ANKH: variants seen among roughly 807,000 people sequenced by gnomAD.
ANKH encodes the protein mineralization regulator ANKH.
Under a neutral mutation model 49.0 loss-of-function variants are expected in ANKH, and 15 were observed. That is an observed-to-expected ratio of 0.31 (90% CI 0.20 to 0.47). ANKH has a LOEUF of 0.47. Among genes scored for constraint, ANKH ranks in the 20% least tolerant of loss-of-function variants. The probability of loss-of-function intolerance (pLI) is 1.00; values close to 1 mark genes in which losing one functional copy is unlikely to be tolerated. For missense variants in ANKH, 429 were observed against 652.0 expected (o/e 0.66, Z 3.72); for synonymous variants, 273 against 260.0 (o/e 1.05, Z -0.48).
chr5:14,865,344 G>A (rs1402843091), intron 1 of ANKH, among the ~76,000 whole-genome samples: 1 of 152,086 alleles, frequency 6.6e-6, no homozygotes, highest in Non-Finnish European at 1.5e-5. Context: ...TTTTAGGAGT[G>A]AAATTAGAGG....
chr5:14,715,694 CATCCAT>C (rs1236539723), intron 9 of ANKH, among the ~76,000 whole-genome samples: 1 of 152,226 alleles, frequency 6.6e-6, no homozygotes, highest in Non-Finnish European at 1.5e-5. Context: ...GCAGTTAGCA[CATCCAT>C]ATGACGATAC....
intron 1 of ANKH, among the ~76,000 whole-genome samples, chr5:14,796,476 CA>C (rs35183005): frequency 0.61 from 80,315 of 132,474 alleles, 23,460 homozygotes; most frequent in East Asian, 0.83. Context: ...CACACACCAA[CA>C]AAAAAAAAAA....
rs1742054422 is a variant in ANKH at position 14,849,085 on chromosome 5, C to G, written c.96+22267G>C. On this transcript the variant is annotated intron_variant, in intron 1 of 11. Coordinates refer to ENST00000284268, the MANE Select transcript of ANKH (RefSeq NM_054027.6). ...CTAGGCTTAGGAATTCTTAGTCAGC[C>G]TAGGAAATCCAGCTAGTCCTGTCTC... Among the ~76,000 whole-genome samples, 4 of 152,274 alleles carry G rather than the reference C, an allele frequency of 2.6e-5. No individual in the cohort carries two copies. In the South Asian group the frequency reaches 6.2e-4, roughly 24 times the overall value.
chr5:14,727,596 T>C (rs1737862397), intron 8 of ANKH, among the ~76,000 whole-genome samples: 3 of 152,124 alleles, frequency 2.0e-5, no homozygotes. Flanking sequence ...GCTTTAATCC[T>C]TTCCTGGTTT....
chr5:14,806,882 A>C (rs28427036), intron 1 of ANKH, among the ~76,000 whole-genome samples: 1 of 152,312 alleles, frequency 6.6e-6, no homozygotes, highest in Admixed American at 6.5e-5. Flanking sequence ...CAGAAAGCCC[A>C]CTTCATTTTA....
chr5:14,798,900 C>T (rs901338407), intron 1 of ANKH, among the ~76,000 whole-genome samples: 18 of 152,186 alleles, frequency 1.2e-4, no homozygotes, highest in African/African-American at 2.2e-4. Context: ...AACAGTCACA[C>T]CTCTCTCTTG....
intron 1 of ANKH, among the ~76,000 whole-genome samples, chr5:14,857,215 A>G (rs1334827894): frequency 6.6e-6 from 1 of 152,220 alleles, no homozygotes; most frequent in Non-Finnish European, 1.5e-5. Context: ...GCAGGAGGTG[A>G]GATCTTCCCA....
At chr5:14,847,310 G>A (rs1741992465) in intron 1 of ANKH, among the ~76,000 whole-genome samples, 1 of 152,168 alleles carries the variant, frequency 6.6e-6, no homozygotes, top group South Asian at 2.1e-4. Context: ...TACTGGTTTG[G>A]AAATAAAGTC....
At chr5:14,759,697 C>G (rs1269986542) in intron 2 of ANKH, among the ~76,000 whole-genome samples, 8 of 149,606 alleles carry the variant, frequency 5.3e-5, no homozygotes, top group African/African-American at 2.0e-4. Context: ...TTCAAGGGTA[C>G]AGTGAGCTAT....
At chr5:14,834,273 G>A (rs60183304) in intron 1 of ANKH, among the ~76,000 whole-genome samples, 39 of 152,154 alleles carry the variant, frequency 2.6e-4, no homozygotes, top group Admixed American at 7.8e-4. Flanking sequence ...CAGGACCTGC[G>A]TCACAGGGGA....
Position 14,709,628 on chromosome 5 carries a change from T to G in ANKH, c.*1569A>C, listed in dbSNP as rs1314256201. 6.6e-6 allele frequency: 1 copy of G among 152,408 alleles called. No individual in the cohort carries two copies. The highest frequency in any genetic ancestry group is 1.5e-5 in the Non-Finnish European group (1 of 68,046). The allele number at this position is 152,408 out of a possible 1,614,324, so 9.4% of individuals were successfully genotyped here. A position where few individuals can be genotyped will look rare whatever the true frequency, so the allele number is the denominator to read the frequency against. On this transcript the variant is annotated 3_prime_UTR_variant, in exon 12 of 12. Coordinates refer to ENST00000284268, the MANE Select transcript of ANKH (RefSeq NM_054027.6). ...TCATTTTTGCCTTTCCAGCTTGCACTTCTATTCCTACTCCAGTGACCCATT... is the reference window on the plus strand; with the variant it reads ...TCATTTTTGCCTTTCCAGCTTGCACGTCTATTCCTACTCCAGTGACCCATT...
chr5:14,819,261 A>G (rs2126584169), intron 1 of ANKH, among the ~76,000 whole-genome samples: 1 of 152,340 alleles, frequency 6.6e-6, no homozygotes, highest in South Asian at 2.1e-4. Flanking sequence ...TGCATAACTC[A>G]TAAAATAACT....
At chr5:14,846,331 C>T (rs574385873) in intron 1 of ANKH, among the ~76,000 whole-genome samples, 4 of 152,170 alleles carry the variant, frequency 2.6e-5, no homozygotes, top group East Asian at 3.9e-4. Flanking sequence ...TTTAATTTTC[C>T]GTACAGGCAA....
intron 1 of ANKH, among the ~76,000 whole-genome samples, chr5:14,857,103 G>C (rs1286877723): frequency 2.0e-5 from 3 of 152,126 alleles, no homozygotes; most frequent in African/African-American, 7.2e-5. Flanking sequence ...CTACGCCTAT[G>C]TCTAAACACA....
At chr5:14,730,458 A>G (rs1737960644) in intron 8 of ANKH, among the ~76,000 whole-genome samples, 1 of 152,198 alleles carries the variant, frequency 6.6e-6, no homozygotes, top group Non-Finnish European at 1.5e-5. Flanking sequence ...TTCTCTCCCA[A>G]CAACCAGAAA....
At chr5:14,802,024 T>C (rs1184971984) in intron 1 of ANKH, among the ~76,000 whole-genome samples, 1 of 152,134 alleles carries the variant, frequency 6.6e-6, no homozygotes, top group Non-Finnish European at 1.5e-5. Flanking sequence ...AGATCTCTCA[T>C]CTACTCCTGC....
intron 1 of ANKH, among the ~76,000 whole-genome samples, chr5:14,866,728 C>T (rs772551944): frequency 3.3e-5 from 5 of 152,128 alleles, no homozygotes; most frequent in Non-Finnish European, 5.9e-5. Context: ...CCCCCTTGAC[C>T]AAAAGCTATG....
intron 1 of ANKH, among the ~76,000 whole-genome samples, chr5:14,841,588 C>A (rs566643790): frequency 6.6e-6 from 1 of 152,306 alleles, no homozygotes; most frequent in South Asian, 2.1e-4. Flanking sequence ...TGAGCCACTG[C>A]ATCAGGCAAA....
rs145717523 is a variant in ANKH, at chr5:14,738,193, AAAC to A, written c.1011+3631_1011+3633del. Among the ~76,000 whole-genome samples the A allele has an allele frequency of 7.9e-3, 1,207 of 152,342 alleles. 15 individuals carry two copies. Among genetic ancestry groups the A allele is most frequent in the African/African-American group, 0.028 (1,160 of 41,574 alleles). On this transcript the variant is annotated intron_variant, in intron 8 of 11. Coordinates refer to ENST00000284268, the MANE Select transcript of ANKH (RefSeq NM_054027.6). The stretch of plus-strand genomic sequence containing the variant: ...AAATAGAAAATGTGTAATAGGGAAT[AAAC>A]AAACACGTCATTGTAACATGCTGAA...
Sources: gnomAD v4.1 joint callset for allele counts (sites outside exome capture counted in the v4.1 genomes callset) on GRCh38, gnomAD v4.1.1 for gene constraint, MANE v1.5 for transcripts, NCBI Gene and HGNC (gene_info 2026-07-23, HGNC 2026-07-21) for gene names.